Variants in GRAMD2A observed in about 807,000 individuals in gnomAD.
GRAMD2A encodes the protein GRAM domain containing 2A, also known as GRAM domain-containing protein 2A.
In GRAMD2A, 37 loss-of-function variants were observed where a neutral mutation model predicts 51.1. That is an observed-to-expected ratio of 0.72 (90% CI 0.56 to 0.95). The LOEUF is 0.95. Ranked by LOEUF, GRAMD2A falls within the 40% of genes least tolerant of loss-of-function variation. The pLI is 0.00. For missense variants in GRAMD2A, 414 were observed against 426.9 expected (o/e 0.97, Z 0.27); for synonymous variants, 136 against 157.1 (o/e 0.87, Z 1.01).
intron 1 of GRAMD2A, among the ~76,000 whole-genome samples, chr15:72,188,344 A>G (rs2081747365): frequency 6.6e-6 from 1 of 152,092 alleles, no homozygotes. Flanking sequence ...CTCAAAGAAA[A>G]AAAAAAAAAA....
intron 1 of GRAMD2A, among the ~76,000 whole-genome samples, chr15:72,184,649 A>G (rs2081722624): frequency 2.0e-5 from 3 of 152,174 alleles, no homozygotes; most frequent in Middle Eastern, 3.2e-3. Flanking sequence ...TTCCTGACCA[A>G]TGACCTCGTC....
chr15:72,187,251 T>A (rs2081740701), intron 1 of GRAMD2A, among the ~76,000 whole-genome samples: 1 of 151,680 alleles, frequency 6.6e-6, no homozygotes, highest in Admixed American at 6.6e-5. Flanking sequence ...TATATATCAA[T>A]CATGACTACA....
In GRAMD2A at chr15:72,162,279, C is replaced by T. The variant is rs903283554; in HGVS notation, c.1055G>A (p.Gly352Glu). ...GAAAGAGAAAAGGCCTCACCTGTGCCCAGGGACTGGGTCATCCCAACTCAA... is the reference window on the plus strand; with the variant it reads ...GAAAGAGAAAAGGCCTCACCTGTGCTCAGGGACTGGGTCATCCCAACTCAA... ...CSLSWDDPVPGHR is the reference protein window; with the variant it reads ...CSLSWDDPVPEHR The change falls in exon 11 of 12, where the codon GGG becomes GAG. Residue 352 changes from glycine (G) to glutamate (E), a missense_variant. Gly to Glu is a moderately conservative substitution (Grantham distance 98). Coordinates refer to ENST00000309731, the MANE Select transcript of GRAMD2A (RefSeq NM_001012642.3). The T allele has an allele frequency of 1.2e-6, 2 of 1,611,138 alleles. No individual in the cohort carries two copies. Among genetic ancestry groups the T allele is most frequent in the African/African-American group, 2.7e-5 (2 of 74,846 alleles).
intron 10 of GRAMD2A, 96 bp downstream of exon 10, chr15:72,163,170 G>C: frequency 6.2e-6 from 5 of 810,600 alleles, no homozygotes; most frequent in South Asian, 3.3e-5. Flanking sequence ...ACTTCCCCCT[G>C]GTTCTGAATA....
At chr15:72,176,523 A>T (rs1305364199) in intron 1 of GRAMD2A, 1 of 152,660 alleles carries the variant, frequency 6.6e-6, no homozygotes, top group African/African-American at 2.4e-5. Flanking sequence ...GCGAGCTCCA[A>T]GCAGAGACCT....
At chr15:72,165,813 G>C (rs2081536996) in intron 7 of GRAMD2A, among the ~76,000 whole-genome samples, 1 of 150,756 alleles carries the variant, frequency 6.6e-6, no homozygotes, top group African/African-American at 2.4e-5. Context: ...GCTTCCTGTA[G>C]AAACTGTACT....
intron 3 of GRAMD2A, 144 bp downstream of exon 3, chr15:72,168,795 A>C: frequency 1.3e-6 from 1 of 781,280 alleles, no homozygotes. Flanking sequence ...GGGACACACT[A>C]CTCCCACCCA....
Position 72,170,498 on chromosome 15 carries a change from G to A in GRAMD2A, c.42-559C>T, listed in dbSNP as rs1230108042. 3 of 440,764 alleles carry A rather than the reference G, an allele frequency of 6.8e-6. No homozygotes were observed. The allele number at this position is 440,764 out of a possible 1,614,324, so 27.3% of individuals were successfully genotyped here. ...GAGGGGAGGAGCCGTCTTATACCAG[G>A]AAGTGGCCTCAGCCACCTTGGACAG... On this transcript the variant is annotated intron_variant, in intron 1 of 11. Transcript: ENST00000309731. This position sits in a 1 kb window ranked among gnomAD's most constrained non-coding sequence, Gnocchi z 4.5.
chr15:72,177,364 C>T (rs2081661665), intron 1 of GRAMD2A, among the ~76,000 whole-genome samples: 1 of 152,180 alleles, frequency 6.6e-6, no homozygotes, highest in Non-Finnish European at 1.5e-5. Flanking sequence ...GAACCAGGCC[C>T]CCAGAACTAC....
intron 1 of GRAMD2A, among the ~76,000 whole-genome samples, chr15:72,188,667 A>G (rs952396583): frequency 2.6e-5 from 4 of 151,568 alleles, no homozygotes; most frequent in African/African-American, 9.7e-5. Context: ...ACTTTTCTGT[A>G]TTTTTGGTAT....
chr15:72,166,821 C>G lies in GRAMD2A; in HGVS notation c.472-118G>C. 2 of 998,896 alleles carry G rather than the reference C, an allele frequency of 2.0e-6. No homozygotes were observed. The highest frequency in any genetic ancestry group is 2.7e-5 in the South Asian group (2 of 75,072). 61.9% of individuals were successfully genotyped at this position (998,896 alleles called of 1,614,324 possible). A position where few individuals can be genotyped will look rare whatever the true frequency, so the allele number is the denominator to read the frequency against. Reference sequence around the variant, plus strand: ...AGGGGTATCAGGCCATGAGAGCCAACAGAAGCTCTGCCTAGGAACTTCTCT... The same window carrying G: ...AGGGGTATCAGGCCATGAGAGCCAAGAGAAGCTCTGCCTAGGAACTTCTCT... On this transcript the variant is annotated intron_variant, in intron 6 of 11. Coordinates refer to ENST00000309731, the MANE Select transcript of GRAMD2A (RefSeq NM_001012642.3). This position sits in a 1 kb window ranked among gnomAD's most constrained non-coding sequence, Gnocchi z 4.1.
intron 1 of GRAMD2A, among the ~76,000 whole-genome samples, chr15:72,193,080 C>T (rs891345789): frequency 2.6e-5 from 4 of 151,588 alleles, no homozygotes; most frequent in Admixed American, 1.3e-4. Context: ...GAGCTGATAT[C>T]GTGCCATTGC....
At chr15:72,195,066 C>A (rs897954453) in intron 1 of GRAMD2A, among the ~76,000 whole-genome samples, 1 of 152,174 alleles carries the variant, frequency 6.6e-6, no homozygotes, top group African/African-American at 2.4e-5. Flanking sequence ...AAGGATTTGG[C>A]TTCACTGGCC....
At chr15:72,162,072 C>A in intron 11 of GRAMD2A, 60 bp from the exon 12 acceptor site, 1 of 1,601,528 alleles carries the variant, frequency 6.2e-7, no homozygotes, top group South Asian at 1.1e-5. Flanking sequence ...CGGACGTGGG[C>A]AGAAGGGCCA....
rs775498659 is a variant in GRAMD2A at position 72,168,538 on chromosome 15, T to C, written c.221A>G (p.Tyr74Cys). The change falls in exon 4 of 12, where the codon TAC becomes TGC. Residue 74 changes from tyrosine to cysteine, a missense_variant. Tyr to Cys is a radical substitution (Grantham distance 194). Coordinates refer to ENST00000309731, the MANE Select transcript of GRAMD2A (RefSeq NM_001012642.3). The stretch of plus-strand genomic sequence containing the variant: ...GGGAACATCCTTAAACAGCTTGTGG[T>C]ATTGCTGGTTGTATTTATTCAGTGT... ...GITLNKYNQQ[Y>C]HKLFKDVPLE... is the part of the protein sequence containing the mutation. The C allele has an allele frequency of 6.2e-7, 1 of 1,613,806 alleles. No individual in the cohort carries two copies. The highest frequency in any genetic ancestry group is 8.5e-7 in the Non-Finnish European group (1 of 1,179,846).
intron 1 of GRAMD2A, among the ~76,000 whole-genome samples, chr15:72,173,206 G>C (rs1398977697): frequency 2.0e-5 from 3 of 152,182 alleles, no homozygotes; most frequent in African/African-American, 7.2e-5. Flanking sequence ...GGTTCCTAGA[G>C]AAAAGGAAGC....
intron 9 of GRAMD2A, 54 bp from the exon 10 acceptor site, chr15:72,163,530 G>T (rs2081505073): frequency 1.3e-6 from 2 of 1,597,404 alleles, no homozygotes; most frequent in Non-Finnish European, 8.5e-7. Context: ...TGCTGGCTGT[G>T]GTGAGCCCTT....
intron 2 of GRAMD2A, 120 bp downstream of exon 2, chr15:72,169,727 C>T: frequency 1.3e-6 from 1 of 776,242 alleles, no homozygotes; most frequent in Non-Finnish European, 2.3e-6. Context: ...TGTGCCTGAC[C>T]TCACAGACCT....
chr15:72,191,025 T>A (rs770436766), intron 1 of GRAMD2A, among the ~76,000 whole-genome samples: 16 of 152,196 alleles, frequency 1.1e-4, no homozygotes, highest in Middle Eastern at 3.4e-3. Flanking sequence ...TTAAAACACA[T>A]CAAATATGTT....
Sources: gnomAD v4.1 joint callset for allele counts (sites outside exome capture counted in the v4.1 genomes callset) on GRCh38, gnomAD v4.1.1 for gene constraint, Gnocchi (gnomAD v3.1) non-coding constraint, MANE v1.5 for transcripts, NCBI Gene and HGNC (gene_info 2026-07-23, HGNC 2026-07-21) for gene names.